The following MCCC2 variants were observed in gnomAD, a reference collection of about 807,000 sequenced individuals.
MCCC2 encodes methylcrotonoyl-CoA carboxylase beta chain, mitochondrial.
A neutral mutation model predicts 77.2 loss-of-function variants in MCCC2; 52 were observed. The observed-to-expected ratio is 0.67, with a 90% CI of 0.54 to 0.85. The LOEUF is 0.85. Among genes scored for constraint, MCCC2 ranks in the 40% least tolerant of loss-of-function variants. The probability of loss-of-function intolerance (pLI) is 0.00; values close to 1 mark genes in which losing one functional copy is unlikely to be tolerated. For synonymous variants in MCCC2, 253 were observed against 248.4 expected (o/e 1.02, Z -0.18); for missense variants, 682 against 703.2 (o/e 0.97, Z 0.34).
At chr5:71,646,126 G>T in intron 12 of MCCC2, 85 bp from the exon 13 acceptor site, 1 of 1,177,334 alleles carries the variant, frequency 8.5e-7, no homozygotes, top group South Asian at 1.3e-5. Context: ...TCTTGTCTTT[G>T]GCTGAAGTTG....
At chr5:71,612,526 A>G (rs185313751) in intron 6 of MCCC2, among the ~76,000 whole-genome samples, 64 of 152,092 alleles carry the variant, frequency 4.2e-4, no homozygotes, top group East Asian at 3.7e-3. Context: ...CTGGTATTAT[A>G]TTTTTTTCTT....
At chr5:71,604,493 C>T (rs1436250583) in intron 6 of MCCC2, 25 bp downstream of exon 6, 6 of 1,547,758 alleles carry the variant, frequency 3.9e-6, no homozygotes, top group South Asian at 2.2e-5. Flanking sequence ...ATAAAGTGTA[C>T]AGTGGTGCTT....
In MCCC2 at chr5:71,658,402, T is replaced by A. The variant is rs1297417765; in HGVS notation, c.*1542T>A. The A allele has an allele frequency of 1.3e-5, 2 of 152,206 alleles. No individual in the cohort carries two copies. The highest frequency in any genetic ancestry group is 4.8e-5 in the African/African-American group (2 of 41,432). The allele number at this position is 152,206 out of a possible 1,614,324, so 9.4% of individuals were successfully genotyped here. ...TCTCTGTGACCTCCCTGTGCTGGAT[T>A]AGCTTCCCTACTCTATGCTCTTGTA... On this transcript the variant is annotated 3_prime_UTR_variant, in exon 17 of 17. Transcript: ENST00000340941.
In MCCC2 at chr5:71,656,831, A is replaced by C. The variant is rs1257849672; in HGVS notation, c.1663A>C (p.Lys555Gln). 6.2e-7 allele frequency: 1 copy of C among 1,614,056 alleles called. No homozygotes were observed. Among genetic ancestry groups the C allele is most frequent in the East Asian group, 2.2e-5 (1 of 44,882 alleles). ...TGCAGCCCTCAACGCACCAATAGAG[A>C]AGACTGACTTCGGTATCTTCAGGAT... ...FSAALNAPIE[K>Q]TDFGIFRM Residue 555 changes from lysine to glutamine, a missense_variant, in exon 17 of 17, where the codon AAG becomes CAG. By Grantham distance (53) the Lys-to-Gln change is moderately conservative. Coordinates refer to ENST00000340941, the MANE Select transcript of MCCC2 (RefSeq NM_022132.5).
chr5:71,647,934 G>A (rs1385810169), intron 13 of MCCC2, among the ~76,000 whole-genome samples: 2 of 152,128 alleles, frequency 1.3e-5, no homozygotes, highest in African/African-American at 4.8e-5. Context: ...AGAGAATAGA[G>A]GGATGGTGGG....
intron 2 of MCCC2, 110 bp from the exon 3 acceptor site, chr5:71,596,170 T>A (rs1580273070): frequency 1.0e-6 from 1 of 953,162 alleles, no homozygotes; most frequent in East Asian, 2.4e-5. Context: ...TCAGAGGATA[T>A]GTTGAACTTT....
intron 6 of MCCC2, among the ~76,000 whole-genome samples, chr5:71,609,310 C>A (rs1197950249): frequency 1.3e-5 from 2 of 151,726 alleles, no homozygotes; most frequent in African/African-American, 2.4e-5. Flanking sequence ...CGCTTCATTT[C>A]ATTCATTTCA....
At chr5:71,619,078 T>C (rs1216892138) in intron 6 of MCCC2, among the ~76,000 whole-genome samples, 1 of 152,174 alleles carries the variant, frequency 6.6e-6, no homozygotes, top group Non-Finnish European at 1.5e-5. Context: ...CACTTCTTTT[T>C]GGAGACATAT....
At position 71,632,178 on chromosome 5, in the gene MCCC2, C is replaced by T. The variant is rs750038581; in HGVS notation, c.796C>T (p.His266Tyr). Residue 266 changes from histidine to tyrosine, a missense_variant, in exon 8 of 17, where the codon CAT (histidine) becomes TAT (tyrosine). His to Tyr is a moderately conservative substitution (Grantham distance 83). Coordinates refer to ENST00000340941, the MANE Select transcript of MCCC2 (RefSeq NM_022132.5). ...SAEDLGGADL[H>Y]CRKSGVSDHW... is the part of the protein sequence containing the mutation. ...TGAGGATCTTGGAGGTGCTGATCTT[C>T]ATTGCAGGTGAAACAGAAATGGTTG... 3.1e-6 allele frequency: 5 copies of T among 1,614,032 alleles called. No homozygotes were observed. In the South Asian group the frequency reaches 5.5e-5, roughly 18 times the overall value.
intron 16 of MCCC2, among the ~76,000 whole-genome samples, chr5:71,655,989 C>T (rs1349525344): frequency 1.3e-5 from 2 of 152,058 alleles, no homozygotes; most frequent in South Asian, 2.1e-4. Context: ...CTGAGGTGGG[C>T]GGATCACCTG....
At position 71,646,192 on chromosome 5, in the gene MCCC2, TTA is replaced by T. The variant is rs904388490; in HGVS notation, c.1150-17_1150-16del. The T allele has an allele frequency of 9.9e-6, 16 of 1,608,176 alleles. No individual in the cohort carries two copies. The highest frequency in any genetic ancestry group is 1.3e-5 in the African/African-American group (1 of 74,942). On this transcript the variant is annotated splice_polypyrimidine_tract_variant and intron_variant, in intron 12 of 16. Transcript: ENST00000340941. ...AGTTAATTCCCTTTTAAAAAGATTT[TTA>T]TGTTATTTGCTTATAGGGTACTCAC... is the stretch of plus-strand genomic sequence containing the variant.
chr5:71,634,170 T>G (rs1746839257), intron 8 of MCCC2, among the ~76,000 whole-genome samples: 1 of 152,082 alleles, frequency 6.6e-6, no homozygotes, highest in Non-Finnish European at 1.5e-5. Context: ...CTTTACAGAG[T>G]TTTAAATACT....
chr5:71,614,634 C>T (rs1746097960), intron 6 of MCCC2, among the ~76,000 whole-genome samples: 1 of 152,010 alleles, frequency 6.6e-6, no homozygotes, highest in Non-Finnish European at 1.5e-5. Flanking sequence ...TAGGCACATG[C>T]CATCATGCCC....
At chr5:71,624,566 G>A (rs1340241504) in intron 6 of MCCC2, among the ~76,000 whole-genome samples, 3 of 151,662 alleles carry the variant, frequency 2.0e-5, no homozygotes, top group Non-Finnish European at 4.4e-5. Context: ...TAGTAGAGAC[G>A]GGGTTTCTCC....
Position 71,587,447 on chromosome 5 carries a change from G to C in MCCC2, c.22G>C (p.Ala8Pro), listed in dbSNP as rs1204608472. MWAVLRL[A>P]LRPCARASPA... ...CGCCATGTGGGCCGTCCTGAGGTTA[G>C]CCCTGCGGCCGTGTGCCCGCGCCTC... Residue 8 changes from alanine to proline, a missense_variant, in exon 1 of 17, where the codon GCC becomes CCC. By Grantham distance (27) the Ala-to-Pro change is conservative. Coordinates refer to ENST00000340941, the MANE Select transcript of MCCC2 (RefSeq NM_022132.5). 1.6e-5 allele frequency: 24 copies of C among 1,535,142 alleles called. No homozygotes were observed. Among genetic ancestry groups the C allele is most frequent in the South Asian group, 2.4e-5 (2 of 83,924 alleles).
intron 15 of MCCC2, among the ~76,000 whole-genome samples, chr5:71,650,777 T>C (rs1300621566): frequency 6.6e-6 from 1 of 152,128 alleles, no homozygotes; most frequent in Non-Finnish European, 1.5e-5. Flanking sequence ...GCCTCCCGAG[T>C]AGCTGGGACT....
At chr5:71,601,498 T>C (rs1745430404) in intron 4 of MCCC2, among the ~76,000 whole-genome samples, 1 of 152,196 alleles carries the variant, frequency 6.6e-6, no homozygotes, top group Admixed American at 6.5e-5. Flanking sequence ...TTCATTGCAG[T>C]GCAGAAAAAG....
intron 14 of MCCC2, 106 bp downstream of exon 14, chr5:71,649,359 C>G: frequency 1.8e-6 from 2 of 1,095,468 alleles, no homozygotes; most frequent in South Asian, 2.6e-5. Context: ...ATTCCCAGAT[C>G]TCAATCAATT....
intron 10 of MCCC2, chr5:71,636,098 C>T: frequency 2.4e-6 from 1 of 416,800 alleles, no homozygotes; most frequent in Admixed American, 2.6e-5. Context: ...TTTCCCATGT[C>T]TTTAGAAATT....
Sources: allele counts gnomAD v4.1 joint callset (sites outside exome capture counted in the v4.1 genomes callset), GRCh38; gene constraint gnomAD v4.1.1; transcripts MANE v1.5; gene names NCBI Gene and HGNC (gene_info 2026-07-23, HGNC 2026-07-21).